The following TWIST2 variants were observed in gnomAD, a reference collection of about 807,000 sequenced individuals.
The protein encoded by TWIST2 is twist family bHLH transcription factor 2, also known as twist-related protein 2.
A neutral mutation model predicts 11.6 loss-of-function variants in TWIST2; 1 was observed. The ratio of observed to expected loss-of-function variants is 0.09; its 90% CI spans 0.03 to 0.41. TWIST2 has a LOEUF of 0.41. Ranked by LOEUF, TWIST2 falls within the 10% of genes least tolerant of loss-of-function variation. The pLI is 0.98. For synonymous variants in TWIST2, 87 were observed against 96.6 expected (o/e 0.90, Z 0.58); for missense variants, 168 against 226.4 (o/e 0.74, Z 1.66).
intron 1 of TWIST2, among the ~76,000 whole-genome samples, chr2:238,909,410 C>CT (rs1264551986): frequency 6.6e-6 from 1 of 152,172 alleles, no homozygotes; most frequent in African/African-American, 2.4e-5. Flanking sequence ...ACCCAGCCCT[C>CT]TGCTGCCCGA....
intron 1 of TWIST2, among the ~76,000 whole-genome samples, chr2:238,870,609 C>T (rs1692663478): frequency 3.3e-5 from 3 of 91,568 alleles, no homozygotes; most frequent in Admixed American, 9.6e-5. Context: ...ACACACACAT[C>T]ACATACCACA....
At chr2:238,890,280 G>A (rs1211193953) in intron 1 of TWIST2, among the ~76,000 whole-genome samples, 1 of 152,202 alleles carries the variant, frequency 6.6e-6, no homozygotes, top group Non-Finnish European at 1.5e-5. Flanking sequence ...CCCCACAGAC[G>A]CTGACCGCTG....
chr2:238,896,517 C>T lies in TWIST2; in HGVS notation c.*36-13325C>T, dbSNP rs1012849260. ...GGTGTGACTTATCCCAAGTCACCAGCTGGCTCCCTAATATCAGGCTGCCAC... is the reference window on the plus strand; with the variant it reads ...GGTGTGACTTATCCCAAGTCACCAGTTGGCTCCCTAATATCAGGCTGCCAC... On this transcript the variant is annotated intron_variant, in intron 1 of 1. Transcript: ENST00000612363. Among the ~76,000 whole-genome samples, 600 of 152,302 alleles carry T rather than the reference C, an allele frequency of 3.9e-3. 5 individuals carry two copies. The highest frequency in any genetic ancestry group is 6.7e-3 in the Non-Finnish European group (458 of 68,024).
chr2:238,869,082 G>A (rs561267179), intron 1 of TWIST2, among the ~76,000 whole-genome samples: 19 of 152,338 alleles, frequency 1.2e-4, no homozygotes, highest in Admixed American at 9.1e-4. Context: ...TGCAAAGGAC[G>A]AGGCTGGGGA....
In TWIST2 at chr2:238,880,689, GTATT is replaced by G. The variant is rs972591173; in HGVS notation, c.*36-29148_*36-29145del. On this transcript the variant is annotated intron_variant, in intron 1 of 1. Coordinates refer to ENST00000612363, the MANE Select transcript of TWIST2 (RefSeq NM_001271893.4). ...TATTAGTGTTAGTGTCAGTATTAGT[GTATT>G]TATTAGTGTTAGCATTAGTATTAAT... Among the ~76,000 whole-genome samples, 7 of 97,988 alleles carry G rather than the reference GTATT, an allele frequency of 7.1e-5. 1 individual carries two copies. The highest frequency in any genetic ancestry group is 4.0e-5 in the Non-Finnish European group (2 of 50,472). 64.3% of individuals were successfully genotyped at this position (97,988 alleles called of 152,430 possible).
At chr2:238,874,005 C>T (rs1328578615) in intron 1 of TWIST2, among the ~76,000 whole-genome samples, 2 of 152,140 alleles carry the variant, frequency 1.3e-5, no homozygotes, top group African/African-American at 4.8e-5. Context: ...CGGCTCTGTA[C>T]CTCTCTGAGA....
intron 1 of TWIST2, among the ~76,000 whole-genome samples, chr2:238,859,775 G>C: frequency 6.6e-6 from 1 of 152,136 alleles, no homozygotes; most frequent in East Asian, 1.9e-4. Context: ...AGTTCCTAAT[G>C]TGTTTATTCA....
chr2:238,898,394 G>A (rs996327515), intron 1 of TWIST2, among the ~76,000 whole-genome samples: 16 of 152,346 alleles, frequency 1.1e-4, no homozygotes, highest in African/African-American at 2.9e-4. Flanking sequence ...CTGAGGCTCC[G>A]AGGCCTGAGA....
At chr2:238,884,204 T>C (rs1692991140) in intron 1 of TWIST2, among the ~76,000 whole-genome samples, 1 of 152,206 alleles carries the variant, frequency 6.6e-6, no homozygotes, top group African/African-American at 2.4e-5. Flanking sequence ...CTGCCAGTTG[T>C]GCCTGGGCTG....
chr2:238,853,424 AGAGAGAAG>A (rs1293326376), intron 1 of TWIST2, among the ~76,000 whole-genome samples: 4 of 137,800 alleles, frequency 2.9e-5, no homozygotes, highest in African/African-American at 8.2e-5. Flanking sequence ...AGAGATGGAG[AGAGAGAAG>A]GAGAGAGGGA....
chr2:238,898,389 G>C (rs1417055746), intron 1 of TWIST2, among the ~76,000 whole-genome samples: 1 of 152,238 alleles, frequency 6.6e-6, no homozygotes, highest in Non-Finnish European at 1.5e-5. Flanking sequence ...TGACTCTGAG[G>C]CTCCGAGGCC....
intron 1 of TWIST2, among the ~76,000 whole-genome samples, chr2:238,879,031 A>AC (rs1051578508): frequency 2.0e-5 from 3 of 152,250 alleles, no homozygotes; most frequent in Non-Finnish European, 4.4e-5. Flanking sequence ...ATTGTATAAT[A>AC]CCATGTCGCA....
At chr2:238,887,602 C>A (rs1272281801) in intron 1 of TWIST2, among the ~76,000 whole-genome samples, 1 of 152,204 alleles carries the variant, frequency 6.6e-6, no homozygotes, top group Non-Finnish European at 1.5e-5. Context: ...TCCTCAGAGC[C>A]CCTGTGGTTA....
intron 1 of TWIST2, among the ~76,000 whole-genome samples, chr2:238,895,704 G>C (rs1693198210): frequency 6.6e-6 from 1 of 152,206 alleles, no homozygotes; most frequent in East Asian, 1.9e-4. Context: ...GGTAGATCCT[G>C]ACGGACCGGT....
intron 1 of TWIST2, among the ~76,000 whole-genome samples, chr2:238,889,589 G>A (rs1227601621): frequency 6.6e-6 from 1 of 152,176 alleles, no homozygotes; most frequent in East Asian, 1.9e-4. Flanking sequence ...GATATTTGTT[G>A]TTGAGTTGTC....
intron 1 of TWIST2, among the ~76,000 whole-genome samples, chr2:238,894,308 C>A (rs1002192419): frequency 3.3e-5 from 5 of 152,266 alleles, no homozygotes; most frequent in Admixed American, 3.3e-4. Context: ...TTGTTGCCCC[C>A]GAGATGACTC....
intron 1 of TWIST2, among the ~76,000 whole-genome samples, chr2:238,903,131 G>T (rs921197272): frequency 1.1e-4 from 16 of 148,144 alleles, no homozygotes; most frequent in Non-Finnish European, 1.3e-4. Flanking sequence ...TGTGATGTGG[G>T]GTGTGTGTCT....
intron 1 of TWIST2, among the ~76,000 whole-genome samples, chr2:238,901,804 G>A (rs1222126377): frequency 6.6e-6 from 1 of 152,096 alleles, no homozygotes; most frequent in East Asian, 1.9e-4. Flanking sequence ...GACCCATGGG[G>A]GTGGCTGGCA....
At chr2:238,868,492 G>T (rs1389504140) in intron 1 of TWIST2, among the ~76,000 whole-genome samples, 1 of 152,086 alleles carries the variant, frequency 6.6e-6, no homozygotes. Context: ...AGACTCAAGG[G>T]GTATGGCCAG....
Sources: gnomAD v4.1 joint callset for allele counts (sites outside exome capture counted in the v4.1 genomes callset) on GRCh38, gnomAD v4.1.1 for gene constraint, MANE v1.5 for transcripts, NCBI Gene and HGNC (gene_info 2026-07-23, HGNC 2026-07-21) for gene names.